The following COL9A2 variants were observed in gnomAD, a reference collection of about 807,000 sequenced individuals.
COL9A2 encodes the protein collagen type IX alpha 2 chain.
A neutral mutation model predicts 111.6 loss-of-function variants in COL9A2; 66 were observed. The observed-to-expected ratio is 0.59, with a 90% CI of 0.48 to 0.73. The LOEUF (loss-of-function observed/expected upper bound fraction) is 0.73. COL9A2 is among the 30% of genes least tolerant of loss of function. COL9A2 has a pLI of 0.00. For missense variants in COL9A2, 881 were observed against 954.1 expected (o/e 0.92, Z 1.01); for synonymous variants, 353 against 364.1 (o/e 0.97, Z 0.35).
At position 40,302,344 on chromosome 1, in the gene COL9A2, G is replaced by A. The variant is rs1247370072; in HGVS notation, c.1792+277C>T. Among the ~76,000 whole-genome samples the A allele has an allele frequency of 1.3e-5, 2 of 152,144 alleles. No homozygotes were observed. Among genetic ancestry groups the A allele is most frequent in the Non-Finnish European group, 1.5e-5 (1 of 68,032 alleles). ...TCCAGCCTGCCTGCTTTACTGCTCT[G>A]CTGGTCTGCCGCCCCATCTCTATTG... On this transcript the variant is annotated intron_variant, in intron 30 of 31. Coordinates refer to ENST00000372748, the MANE Select transcript of COL9A2 (RefSeq NM_001852.4). The surrounding 1 kb of genome is among the most constrained non-coding windows in gnomAD (Gnocchi z 4.5).
At position 40,314,382 on chromosome 1, in the gene COL9A2, G is replaced by T; in HGVS notation, c.156C>A (p.Asp52Glu). 3 of 1,614,136 alleles carry T rather than the reference G, an allele frequency of 1.9e-6. No individual in the cohort carries two copies. The highest frequency in any genetic ancestry group is 2.5e-6 in the Non-Finnish European group (3 of 1,180,032). Residue 52 changes from aspartate to glutamate, a missense_variant, in exon 3 of 32, where the codon GAC becomes GAA. Transcript: ENST00000372748. This position sits in a 1 kb window ranked among gnomAD's most constrained non-coding sequence, Gnocchi z 4.1. ...GVPGSDGIDGDNGPPGKAGPP... is the reference protein window; with the variant it reads ...GVPGSDGIDGENGPPGKAGPP... The stretch of plus-strand genomic sequence containing the variant: ...GGCCAGCTTTTCCAGGGGGCCCATT[G>T]TCACCCTGCAAGATACAAGTTGGTG...
chr1:40,317,110 C>G lies in COL9A2; in HGVS notation c.75+13G>C. 6.4e-7 allele frequency: 1 copy of G among 1,562,480 alleles called. No individual in the cohort carries two copies. The highest frequency in any genetic ancestry group is 8.7e-7 in the Non-Finnish European group (1 of 1,153,718). On this transcript the variant is annotated intron_variant, in intron 1 of 31. Transcript: ENST00000372748. This position sits in a 1 kb window ranked among gnomAD's most constrained non-coding sequence, Gnocchi z 4.3. ...ACCCTGGACCCTGGCAGCGGAGGGG[C>G]TGCGAAACTTACAATCTGCGCCAGA...
At chr1:40,301,963 C>T (rs1306527601) in intron 30 of COL9A2, 74 bp from the exon 31 acceptor site, 11 of 1,425,370 alleles carry the variant, frequency 7.7e-6, no homozygotes, top group East Asian at 4.9e-5. Flanking sequence ...CTATGTTTCA[C>T]GCAAAGAAAT....
At position 40,312,303 on chromosome 1, in the gene COL9A2, GGGCTGGCCCTGGGTCTCT is replaced by G; in HGVS notation, c.363+135_363+152del. 1 of 1,149,538 alleles carries G rather than the reference GGGCTGGCCCTGGGTCTCT, an allele frequency of 8.7e-7. No homozygotes were observed. Among genetic ancestry groups the G allele is most frequent in the Non-Finnish European group, 1.3e-6 (1 of 784,154 alleles). 71.2% of individuals were successfully genotyped at this position (1,149,538 alleles called of 1,614,324 possible). On this transcript the variant is annotated intron_variant, in intron 7 of 31. Coordinates refer to ENST00000372748, the MANE Select transcript of COL9A2 (RefSeq NM_001852.4). This position sits in a 1 kb window ranked among gnomAD's most constrained non-coding sequence, Gnocchi z 6.0. ...CAGAGCCAGTGGACAGGCCCAGAGTGGGCTGGCCCTGGGTCTCTGGCAGGTCCACTTATTCCTGACACT... is the reference window on the plus strand; with the variant it reads ...CAGAGCCAGTGGACAGGCCCAGAGTGGGCAGGTCCACTTATTCCTGACACT...
rs749873890 is a variant in COL9A2, at chr1:40,301,202, C to T, written c.2050G>A (p.Gly684Arg). 1 of 1,613,810 alleles carries T rather than the reference C, an allele frequency of 6.2e-7. No homozygotes were observed. Among genetic ancestry groups the T allele is most frequent in the Admixed American group, 1.7e-5 (1 of 60,026 alleles). ...AYASARLTEP[G>R]SIKGP ...GATGCTCAAGGCCCCTTGATGGATC[C>T]AGGCTCTGTAAGGCGGGCAGAGGCA... is the stretch of plus-strand genomic sequence containing the variant. The change falls in exon 32 of 32, where the codon GGA becomes AGA. Residue 684 changes from glycine (G) to arginine (R), a missense_variant. By Grantham distance (125) the Gly-to-Arg change is moderately radical (BLOSUM62 -2). Transcript: ENST00000372748.
At position 40,315,186 on chromosome 1, in the gene COL9A2, C is replaced by G. The variant is rs1340187287; in HGVS notation, c.150+404G>C. 3 of 1,014,864 alleles carry G rather than the reference C, an allele frequency of 3.0e-6. No individual in the cohort carries two copies. The Admixed American group carries it at 1.6e-4, about 53-fold the overall frequency. The allele number at this position is 1,014,864 out of a possible 1,614,324, so 62.9% of individuals were successfully genotyped here. ...GGGAGAGAAAACCGAAGGGAAGAGA[C>G]AGGAGTCTGGCCCAAGCTGGTCGGT... On this transcript the variant is annotated intron_variant, in intron 2 of 31. Coordinates refer to ENST00000372748, the MANE Select transcript of COL9A2 (RefSeq NM_001852.4).
In COL9A2 at chr1:40,305,729, G is replaced by T. The variant is rs774190227; in HGVS notation, c.1093C>A (p.Pro365Thr). ...GGGGCATTTACCTCTTTCCCAGGGG[G>T]ACCAGAGAATCCAGGAAGGCCCTGC... ...GPQGLPGFSG[P>T]PGKEGEPGPR... The change falls in exon 21 of 32, where the codon CCC becomes ACC. Residue 365 changes from proline (P) to threonine (T), a missense_variant. Pro to Thr is a conservative substitution (Grantham distance 38). Coordinates refer to ENST00000372748, the MANE Select transcript of COL9A2 (RefSeq NM_001852.4). 1.2e-6 allele frequency: 2 copies of T among 1,613,944 alleles called. No homozygotes were observed. The highest frequency in any genetic ancestry group is 1.1e-5 in the South Asian group (1 of 91,080).
intron 24 of COL9A2, 85 bp downstream of exon 24, chr1:40,304,235 G>T: frequency 6.6e-7 from 1 of 1,526,370 alleles, no homozygotes. Context: ...AGGTTTGGAG[G>T]CTCCGGAAGG....
intron 2 of COL9A2, 21 bp downstream of exon 2, chr1:40,315,569 G>C: frequency 1.3e-6 from 2 of 1,549,776 alleles, no homozygotes; most frequent in Non-Finnish European, 1.7e-6. Flanking sequence ...CTCCCGCCCT[G>C]GTCTCAGGTT....
In COL9A2 at chr1:40,302,891, G is replaced by T. The variant is rs1409035427; in HGVS notation, c.1604-82C>A. On this transcript the variant is annotated intron_variant, in intron 29 of 31. Transcript: ENST00000372748. The surrounding 1 kb of genome is among the most constrained non-coding windows in gnomAD (Gnocchi z 4.5). ...AACACTAGGGGAGGCAGAGCATTCCGATGGGCCCTGGCCCCTAGGTTTGCA... is the reference window on the plus strand; with the variant it reads ...AACACTAGGGGAGGCAGAGCATTCCTATGGGCCCTGGCCCCTAGGTTTGCA... 1.4e-6 allele frequency: 2 copies of T among 1,388,462 alleles called. No individual in the cohort carries two copies. The highest frequency in any genetic ancestry group is 2.0e-6 in the Non-Finnish European group (2 of 1,010,152). The allele number at this position is 1,388,462 out of a possible 1,614,324, so 86.0% of individuals were successfully genotyped here. A position where few individuals can be genotyped will look rare whatever the true frequency, so the allele number is the denominator to read the frequency against.
In COL9A2 at chr1:40,303,067, G is replaced by A. The variant is rs776715852; in HGVS notation, c.1603+64C>T. ...AGACAAGTGAACACGTGGAGGCTCC[G>A]GGAGGGGGTGAGGGGGCGGCGATGC... On this transcript the variant is annotated intron_variant, in intron 29 of 31. Transcript: ENST00000372748. This position sits in a 1 kb window ranked among gnomAD's most constrained non-coding sequence, Gnocchi z 4.6. The A allele has an allele frequency of 6.9e-5, 106 of 1,528,394 alleles. No homozygotes were observed. Among genetic ancestry groups the A allele is most frequent in the Non-Finnish European group, 8.6e-5 (96 of 1,116,988 alleles). 94.7% of individuals were successfully genotyped at this position (1,528,394 alleles called of 1,614,324 possible). A position where few individuals can be genotyped will look rare whatever the true frequency, so the allele number is the denominator to read the frequency against.
Position 40,312,335 on chromosome 1 carries a change from A to C in COL9A2, c.363+121T>G. 9 of 1,401,014 alleles carry C rather than the reference A, an allele frequency of 6.4e-6. No homozygotes were observed. In the South Asian group the frequency reaches 7.4e-5, roughly 12 times the overall value. 86.8% of individuals were successfully genotyped at this position (1,401,014 alleles called of 1,614,324 possible). ...CCCTGGGTCTCTGGCAGGTCCACTT[A>C]TTCCTGACACTATCACAGCAAGCTG... On this transcript the variant is annotated intron_variant, in intron 7 of 31. Coordinates refer to ENST00000372748, the MANE Select transcript of COL9A2 (RefSeq NM_001852.4). The surrounding 1 kb of genome is among the most constrained non-coding windows in gnomAD (Gnocchi z 6.0).
chr1:40,304,710 G>A (rs1304749994), intron 22 of COL9A2, 84 bp downstream of exon 22: 21 of 1,432,710 alleles, frequency 1.5e-5, no homozygotes, highest in Middle Eastern at 2.2e-4. Flanking sequence ...GGCATCTCAC[G>A]GGCTGCACGG....
chr1:40,307,899 G>T lies in COL9A2; in HGVS notation c.901-143C>A, dbSNP rs1013167840. On this transcript the variant is annotated intron_variant, in intron 17 of 31. Coordinates refer to ENST00000372748, the MANE Select transcript of COL9A2 (RefSeq NM_001852.4). The surrounding 1 kb of genome is among the most constrained non-coding windows in gnomAD (Gnocchi z 4.8). Reference sequence around the variant, plus strand: ...CCCAGGAAGCCCCACTGGCCAACTGGGGGAGGGGAGTTGAAGTGGGAAGGG... The same window carrying T: ...CCCAGGAAGCCCCACTGGCCAACTGTGGGAGGGGAGTTGAAGTGGGAAGGG... The T allele has an allele frequency of 2.3e-6, 2 of 868,618 alleles. No homozygotes were observed. Among genetic ancestry groups the T allele is most frequent in the Admixed American group, 2.1e-5 (1 of 48,494 alleles). The allele number at this position is 868,618 out of a possible 1,614,324, so 53.8% of individuals were successfully genotyped here. A position where few individuals can be genotyped will look rare whatever the true frequency, so the allele number is the denominator to read the frequency against.
chr1:40,313,711 G>A (rs1235424655), intron 4 of COL9A2, among the ~76,000 whole-genome samples: 1 of 152,178 alleles, frequency 6.6e-6, no homozygotes, highest in Admixed American at 6.5e-5. Flanking sequence ...ACCCCCATCA[G>A]ATGTTGTCCT....
At chr1:40,305,060 T>TA in intron 21 of COL9A2, 8 of 293,500 alleles carry the variant, frequency 2.7e-5, no homozygotes, top group East Asian at 1.6e-4. Flanking sequence ...TTTCTTTCTT[T>TA]CTTTTTTTTT....
chr1:40,312,875 G>A lies in COL9A2; in HGVS notation c.250-91C>T, dbSNP rs937987833. The A allele has an allele frequency of 2.5e-6, 3 of 1,183,876 alleles. No individual in the cohort carries two copies. The highest frequency in any genetic ancestry group is 3.7e-6 in the Non-Finnish European group (3 of 816,386). The allele number at this position is 1,183,876 out of a possible 1,614,324, so 73.3% of individuals were successfully genotyped here. On this transcript the variant is annotated intron_variant, in intron 4 of 31. Transcript: ENST00000372748. This position sits in a 1 kb window ranked among gnomAD's most constrained non-coding sequence, Gnocchi z 6.0. ...AGGTTCAAGGGTCCCTCCTGGGTGG[G>A]CCGAGGCTCCTTTTTGCCACACCTC...
chr1:40,301,854 CCA>C lies in COL9A2; in HGVS notation c.1826_1827del (p.Val609GlyfsTer56), dbSNP rs1643919641. 3.7e-6 allele frequency: 6 copies of C among 1,613,986 alleles called. No homozygotes were observed. The South Asian group carries it at 6.6e-5, about 18-fold the overall frequency. On this transcript the variant is annotated frameshift_variant, in exon 31 of 32. Transcript: ENST00000372748. LOFTEE classifies it high-confidence loss of function. Reference protein sequence around the residue: ...KRGEKGDPGEVGRGHPGMPGP... With the variant: ...KRGEKGDPGEXGRGHPGMPGP... ...CCAGGCATCCCGGGGTGCCCCCGTC[CCA>C]CTTCTCCTGGATCACCCTTCTCTCC...
chr1:40,316,261 C>T lies in COL9A2; in HGVS notation c.76-597G>A, dbSNP rs1421467220. ...GGGTACTATCTTCCCACTCGGAGCG[C>T]CCCTTCGGCAGCACAGCTGCCCGGT... On this transcript the variant is annotated intron_variant, in intron 1 of 31. Coordinates refer to ENST00000372748, the MANE Select transcript of COL9A2 (RefSeq NM_001852.4). The surrounding 1 kb of genome is among the most constrained non-coding windows in gnomAD (Gnocchi z 5.5). 6.6e-6 allele frequency among the ~76,000 whole-genome samples: 1 copy of T among 152,210 alleles called. No individual in the cohort carries two copies. Among genetic ancestry groups the T allele is most frequent in the Non-Finnish European group, 1.5e-5 (1 of 68,020 alleles).
Sources: gnomAD v4.1 joint callset for allele counts (sites outside exome capture counted in the v4.1 genomes callset) on GRCh38, gnomAD v4.1.1 for gene constraint, Gnocchi (gnomAD v3.1) non-coding constraint, MANE v1.5 for transcripts, NCBI Gene and HGNC (gene_info 2026-07-23, HGNC 2026-07-21) for gene names.